The following GPC5 variants were observed in gnomAD, a reference collection of about 807,000 sequenced individuals.
GPC5 encodes the protein glypican-5.
A neutral mutation model predicts 53.9 loss-of-function variants in GPC5; 47 were observed. The observed-to-expected ratio is 0.87, with a 90% CI of 0.69 to 1.11. The LOEUF is 1.11. Ranked by LOEUF, GPC5 falls within the 50% of genes most tolerant of loss-of-function variation. The probability of loss-of-function intolerance (pLI) is 0.00; values close to 1 mark genes in which losing one functional copy is unlikely to be tolerated. For missense variants in GPC5, 748 were observed against 713.1 expected, an observed-to-expected ratio of 1.05 and a Z score of -0.56; for synonymous variants, 286 against 263.3, an observed-to-expected ratio of 1.09 and a Z score of -0.84.
intron 5 of GPC5, among the ~76,000 whole-genome samples, chr13:91,898,219 T>C (rs1365863513): frequency 2.6e-5 from 4 of 152,194 alleles, no homozygotes; most frequent in East Asian, 1.9e-4. Context: ...GAAATTGCTG[T>C]TGAAGATTGT....
At chr13:92,085,949 G>T (rs895598138) in intron 6 of GPC5, among the ~76,000 whole-genome samples, 1 of 152,178 alleles carries the variant, frequency 6.6e-6, no homozygotes, top group Admixed American at 6.5e-5. Context: ...TTGCAGTCTT[G>T]TTCCTAACAG....
chr13:91,951,670 A>G (rs937319276), intron 6 of GPC5, among the ~76,000 whole-genome samples: 3 of 152,134 alleles, frequency 2.0e-5, no homozygotes, highest in African/African-American at 7.2e-5. Context: ...AAATGTTAGG[A>G]CTGTTTTCAT....
chr13:92,292,599 G>T (rs9523606), intron 7 of GPC5, among the ~76,000 whole-genome samples: 6 of 151,878 alleles, frequency 4.0e-5, no homozygotes, highest in African/African-American at 7.3e-5. Context: ...GATTGTGAAG[G>T]TTTTTTTCCC....
intron 6 of GPC5, among the ~76,000 whole-genome samples, chr13:91,967,946 A>G (rs1322264045): frequency 1.3e-5 from 2 of 151,946 alleles, no homozygotes; most frequent in Non-Finnish European, 2.9e-5. Context: ...TAAAATGTGT[A>G]TTAGTTATAA....
At chr13:91,719,961 A>G (rs1428627367) in intron 3 of GPC5, among the ~76,000 whole-genome samples, 10 of 152,174 alleles carry the variant, frequency 6.6e-5, no homozygotes, top group Non-Finnish European at 1.0e-4. Flanking sequence ...AATTCAGGTT[A>G]TATGTTTAAA....
At chr13:92,374,678 G>A (rs945422294) in intron 7 of GPC5, among the ~76,000 whole-genome samples, 2 of 128,652 alleles carry the variant, frequency 1.6e-5, no homozygotes, top group African/African-American at 5.8e-5. Flanking sequence ...ACAGGAAGGG[G>A]AATATCACAC....
intron 7 of GPC5, among the ~76,000 whole-genome samples, chr13:92,382,872 G>A (rs1039494245): frequency 1.3e-5 from 2 of 151,776 alleles, no homozygotes; most frequent in African/African-American, 2.4e-5. Flanking sequence ...GCGCGGTGGC[G>A]GGTGCCTGTA....
intron 7 of GPC5, among the ~76,000 whole-genome samples, chr13:92,684,089 C>T (rs1264775828): frequency 6.6e-6 from 1 of 152,070 alleles, no homozygotes; most frequent in East Asian, 1.9e-4. Context: ...CTTTCCTCCC[C>T]AGGGGCCCCT....
At chr13:91,490,105 G>T (rs1007736744) in intron 2 of GPC5, among the ~76,000 whole-genome samples, 19 of 152,156 alleles carry the variant, frequency 1.2e-4, no homozygotes, top group African/African-American at 4.6e-4. Context: ...TATGGTAAAG[G>T]ATAGGGTGTG....
chr13:92,807,797 C>T (rs989030630), intron 7 of GPC5, among the ~76,000 whole-genome samples: 2 of 152,084 alleles, frequency 1.3e-5, no homozygotes, highest in Admixed American at 1.3e-4. Flanking sequence ...GTGCGACTGA[C>T]ACGCTTTAAA....
At chr13:91,580,379 C>T (rs543115656) in intron 2 of GPC5, among the ~76,000 whole-genome samples, 145 of 152,226 alleles carry the variant, frequency 9.5e-4, no homozygotes, top group Admixed American at 1.8e-3. Flanking sequence ...ATAAATATAA[C>T]AAAATAGATT....
chr13:91,915,227 C>T (rs1261522453), intron 6 of GPC5, among the ~76,000 whole-genome samples: 1 of 152,140 alleles, frequency 6.6e-6, no homozygotes, highest in African/African-American at 2.4e-5. Context: ...GTTGGATGCA[C>T]GCTCAATAAC....
chr13:92,442,828 C>G (rs1877628979), intron 7 of GPC5, among the ~76,000 whole-genome samples: 1 of 152,114 alleles, frequency 6.6e-6, no homozygotes, highest in Non-Finnish European at 1.5e-5. Context: ...GTAGAAGGAA[C>G]AATATGACCA....
intron 7 of GPC5, among the ~76,000 whole-genome samples, chr13:92,698,370 T>C (rs958384709): frequency 2.7e-5 from 4 of 150,940 alleles, no homozygotes; most frequent in Non-Finnish European, 4.4e-5. Flanking sequence ...CCTGTGTCCA[T>C]GTGTTCTCAT....
chr13:91,777,044 C>A (rs2037721965), intron 5 of GPC5, among the ~76,000 whole-genome samples: 1 of 152,198 alleles, frequency 6.6e-6, no homozygotes. Flanking sequence ...AACGACTGTG[C>A]ATAATTTATT....
At chr13:92,689,537 C>A (rs1174356228) in intron 7 of GPC5, among the ~76,000 whole-genome samples, 1 of 92,262 alleles carries the variant, frequency 1.1e-5, no homozygotes, top group Non-Finnish European at 2.2e-5. Context: ...CAGTCTGTGT[C>A]TTTTAATTGC....
chr13:91,887,216 A>C (rs2352190), intron 5 of GPC5, among the ~76,000 whole-genome samples: 102,022 of 152,016 alleles, frequency 0.67, 35,071 homozygotes, highest in East Asian at 0.96. Flanking sequence ...GAGGCTTTCA[A>C]CCTCCAAAGA....
In GPC5 at chr13:92,866,446, T is replaced by A. The variant is rs947291750; in HGVS notation, c.*7T>A. ...ACTTCCCGGGATTTGGTAACTGAACTCTTCTGTCCTGACATACCTTACTGA... is the reference window on the plus strand; with the variant it reads ...ACTTCCCGGGATTTGGTAACTGAACACTTCTGTCCTGACATACCTTACTGA... On this transcript the variant is annotated 3_prime_UTR_variant, in exon 8 of 8. Transcript: ENST00000377067. 1.3e-6 allele frequency: 2 copies of A among 1,594,750 alleles called. No homozygotes were observed. The highest frequency in any genetic ancestry group is 1.7e-6 in the Non-Finnish European group (2 of 1,168,210).
At chr13:92,296,258 G>A (rs1594078437) in intron 7 of GPC5, among the ~76,000 whole-genome samples, 1 of 152,106 alleles carries the variant, frequency 6.6e-6, no homozygotes, top group Admixed American at 6.6e-5. Flanking sequence ...GCCAGGAGGT[G>A]GCATTTTCCA....
Sources: gnomAD v4.1 joint callset for allele counts (sites outside exome capture counted in the v4.1 genomes callset) on GRCh38, gnomAD v4.1.1 for gene constraint, MANE v1.5 for transcripts, NCBI Gene and HGNC (gene_info 2026-07-23, HGNC 2026-07-21) for gene names.